Variants in ATP6V1B2 observed in about 807,000 individuals in gnomAD.
The protein encoded by ATP6V1B2 is V-type proton ATPase subunit B, brain isoform.
Under a neutral mutation model 66.7 loss-of-function variants are expected in ATP6V1B2, and 23 were observed. The observed-to-expected ratio is 0.34, with a 90% CI of 0.25 to 0.49. The LOEUF (loss-of-function observed/expected upper bound fraction) is 0.49. Among genes scored for constraint, ATP6V1B2 ranks in the 20% least tolerant of loss-of-function variants. ATP6V1B2 has a pLI of 0.99. For missense variants in ATP6V1B2, 478 were observed against 650.8 expected, an observed-to-expected ratio of 0.73 and a Z score of 2.89; for synonymous variants, 278 against 236.7, an observed-to-expected ratio of 1.17 and a Z score of -1.60.
rs1167254984 is a variant in ATP6V1B2 at position 20,212,130 on chromosome 8, A to G, written c.734A>G (p.Lys245Arg). Residue 245 changes from lysine (K) to arginine (R), a missense_variant, in exon 8 of 14, where the codon AAA (lysine) becomes AGA (arginine). By Grantham distance (26) the Lys-to-Arg change is conservative. This residue lies in a region of ATP6V1B2 where 326 missense variants were observed against 545.6 expected (regional missense o/e 0.60). Transcript: ENST00000276390. ...GVNMETARFFKSDFEENGSMD... is the reference protein window; with the variant it reads ...GVNMETARFFRSDFEENGSMD... ...AACATGGAAACTGCCCGGTTCTTCAAATCTGACTTTGAAGAAAATGGCTCA... is the reference window on the plus strand; with the variant it reads ...AACATGGAAACTGCCCGGTTCTTCAGATCTGACTTTGAAGAAAATGGCTCA... The G allele has an allele frequency of 3.1e-6, 5 of 1,613,536 alleles. No individual in the cohort carries two copies. The highest frequency in any genetic ancestry group is 4.2e-6 in the Non-Finnish European group (5 of 1,179,768).
chr8:20,199,751 C>T (rs1432599527), intron 1 of ATP6V1B2, among the ~76,000 whole-genome samples: 1 of 151,764 alleles, frequency 6.6e-6, no homozygotes, highest in African/African-American at 2.4e-5. Flanking sequence ...GCTGGGACTA[C>T]GGGCGCACGC....
Position 20,220,652 on chromosome 8 carries a change from T to C in ATP6V1B2, c.*250T>C, listed in dbSNP as rs945489131. The C allele has an allele frequency of 9.3e-6, 4 of 429,122 alleles. No individual in the cohort carries two copies. Among genetic ancestry groups the C allele is most frequent in the African/African-American group, 6.2e-5 (3 of 48,082 alleles). The allele number at this position is 429,122 out of a possible 1,614,324, so 26.6% of individuals were successfully genotyped here. A position where few individuals can be genotyped will look rare whatever the true frequency, so the allele number is the denominator to read the frequency against. On this transcript the variant is annotated 3_prime_UTR_variant, in exon 14 of 14. Coordinates refer to ENST00000276390, the MANE Select transcript of ATP6V1B2 (RefSeq NM_001693.4). ...GCAGGGATGGAGTGGCGTTTTCTTA[T>C]TGCTGTATGTATTGTACATAGTGGA...
chr8:20,219,622 T>G (rs2072888361), intron 13 of ATP6V1B2, among the ~76,000 whole-genome samples: 1 of 152,166 alleles, frequency 6.6e-6, no homozygotes, highest in South Asian at 2.1e-4. Context: ...ATATTCATGA[T>G]TATTGGAATT....
chr8:20,207,501 C>T (rs1345427918), intron 2 of ATP6V1B2, among the ~76,000 whole-genome samples: 1 of 152,020 alleles, frequency 6.6e-6, no homozygotes, highest in Non-Finnish European at 1.5e-5. Context: ...AGCACACCAG[C>T]ATGGCACATG....
chr8:20,204,119 C>G (rs986952088), intron 1 of ATP6V1B2: 2 of 420,666 alleles, frequency 4.8e-6, no homozygotes, highest in African/African-American at 4.1e-5. Context: ...TGTGCTCCCA[C>G]AAACCCTGTG....
At chr8:20,218,951 A>G (rs2072881748) in intron 13 of ATP6V1B2, among the ~76,000 whole-genome samples, 1 of 152,078 alleles carries the variant, frequency 6.6e-6, no homozygotes, top group Non-Finnish European at 1.5e-5. Context: ...CCTCTGCTAT[A>G]ATCATTGTCC....
chr8:20,204,583 G>A (rs934552383), intron 2 of ATP6V1B2, 44 bp downstream of exon 2: 1 of 1,515,586 alleles, frequency 6.6e-7, no homozygotes, highest in African/African-American at 1.4e-5. Flanking sequence ...AGTTAAAAAT[G>A]TGGCATTAAG....
chr8:20,204,967 A>G (rs73669742), intron 2 of ATP6V1B2, among the ~76,000 whole-genome samples: 3,441 of 152,212 alleles, frequency 0.023, 134 homozygotes, highest in African/African-American at 0.079. Flanking sequence ...CACTAAGGTA[A>G]TATCTTTCTG....
intron 2 of ATP6V1B2, 63 bp from the exon 3 acceptor site, chr8:20,209,370 T>C (rs1421888330): frequency 6.9e-7 from 1 of 1,450,354 alleles, no homozygotes; most frequent in Admixed American, 1.7e-5. Flanking sequence ...AGACAGAGCA[T>C]GTGTAGTAAT....
chr8:20,198,889 A>G (rs998630613), intron 1 of ATP6V1B2, among the ~76,000 whole-genome samples: 7 of 152,350 alleles, frequency 4.6e-5, no homozygotes, highest in Admixed American at 3.3e-4. Flanking sequence ...ACTTCAGGAA[A>G]TCGGCAGATG....
At chr8:20,211,400 G>GC in intron 6 of ATP6V1B2, 84 bp downstream of exon 6, 1 of 1,531,024 alleles carries the variant, frequency 6.5e-7, no homozygotes, top group Non-Finnish European at 8.8e-7. Context: ...ACCGAATAAA[G>GC]GGTTTTCAAA....
intron 2 of ATP6V1B2, among the ~76,000 whole-genome samples, chr8:20,208,486 A>G (rs2072759843): frequency 6.6e-6 from 1 of 152,218 alleles, no homozygotes; most frequent in African/African-American, 2.4e-5. Context: ...AATAAGTATT[A>G]ACATGCCAAA....
At chr8:20,215,607 C>G (rs925566492) in intron 10 of ATP6V1B2, 5 of 152,144 alleles carry the variant, frequency 3.3e-5, no homozygotes, top group African/African-American at 1.2e-4. Context: ...TCATTTGCTC[C>G]TCATAGCAAC....
chr8:20,207,017 C>T (rs1249718170), intron 2 of ATP6V1B2, among the ~76,000 whole-genome samples: 3 of 152,120 alleles, frequency 2.0e-5, no homozygotes, highest in African/African-American at 7.2e-5. Context: ...AACAAGGTAG[C>T]AAACAAGGTA....
chr8:20,217,182 C>A, intron 11 of ATP6V1B2, 38 bp from the exon 12 acceptor site: 1 of 1,525,664 alleles, frequency 6.6e-7, no homozygotes, highest in Non-Finnish European at 9.1e-7. Flanking sequence ...GAGTTTTGTA[C>A]TTAAATATAG....
chr8:20,209,653 G>A, intron 3 of ATP6V1B2, 122 bp downstream of exon 3: 1 of 915,036 alleles, frequency 1.1e-6, no homozygotes, highest in South Asian at 1.6e-5. Context: ...TTGGTTACCG[G>A]CTGCAGGGAA....
chr8:20,199,873 A>C (rs914225579), intron 1 of ATP6V1B2, among the ~76,000 whole-genome samples: 16 of 152,018 alleles, frequency 1.1e-4, no homozygotes, highest in Non-Finnish European at 2.2e-4. Context: ...GGCCTCCCAA[A>C]GTGCTGGGAT....
At chr8:20,211,807 G>T in intron 7 of ATP6V1B2, 54 bp downstream of exon 7, 1 of 1,367,574 alleles carries the variant, frequency 7.3e-7, no homozygotes, top group South Asian at 1.2e-5. Context: ...TGTGTCGTGA[G>T]AACATTGTAG....
intron 8 of ATP6V1B2, among the ~76,000 whole-genome samples, chr8:20,212,557 C>T (rs970505509): frequency 6.6e-6 from 1 of 152,136 alleles, no homozygotes; most frequent in Admixed American, 6.5e-5. Context: ...ACCTGCCTGC[C>T]CCACCCCAGT....
Sources: allele counts gnomAD v4.1 joint callset (sites outside exome capture counted in the v4.1 genomes callset), GRCh38; gene constraint gnomAD v4.1.1; regional missense constraint gnomAD v4.1.1; transcripts MANE v1.5; gene names NCBI Gene and HGNC (gene_info 2026-07-23, HGNC 2026-07-21).